Variants in NFATC1 observed in about 807,000 individuals in gnomAD.
NFATC1 encodes nuclear factor of activated T cells 1.
A neutral mutation model predicts 76.0 loss-of-function variants in NFATC1; 22 were observed. The ratio of observed to expected loss-of-function variants is 0.29; its 90% confidence interval spans 0.21 to 0.41. The LOEUF is 0.41. Ranked by LOEUF, NFATC1 falls within the 10% of genes least tolerant of loss-of-function variation. The probability of loss-of-function intolerance (pLI) is 1.00; values close to 1 mark genes in which losing one functional copy is unlikely to be tolerated. For synonymous variants in NFATC1, 704 were observed against 613.1 expected (o/e 1.15, Z -2.19); for missense variants, 1,357 against 1,337.7 (o/e 1.01, Z -0.23).
intron 7 of NFATC1, among the ~76,000 whole-genome samples, chr18:79,461,694 C>T (rs1042444581): frequency 3.3e-5 from 5 of 152,182 alleles, no homozygotes; most frequent in South Asian, 2.1e-4. Context: ...CGGACCCTCC[C>T]GCCCTTTGCT....
intron 9 of NFATC1, among the ~76,000 whole-genome samples, chr18:79,514,434 G>A (rs899288711): frequency 6.6e-6 from 1 of 151,554 alleles, no homozygotes; most frequent in African/African-American, 2.4e-5. Context: ...AATTAGCCAG[G>A]TGTGTTGGCG....
rs1444702572 is a variant in NFATC1, at chr18:79,465,936, C to T, written c.1960-1514C>T. ...CCCCTCCGGCGGCAGCTTCAGCTCC[C>T]CTGGGGCAGCTCTGATGCGGGGCAA... is the stretch of plus-strand genomic sequence containing the variant. On this transcript the variant is annotated intron_variant, in intron 7 of 9. Coordinates refer to ENST00000427363, the MANE Select transcript of NFATC1 (RefSeq NM_001278669.2). The surrounding 1 kb of genome is among the most constrained non-coding windows in gnomAD (Gnocchi z 4.2). 6.6e-6 allele frequency among the ~76,000 whole-genome samples: 1 copy of T among 152,254 alleles called. No homozygotes were observed. Among genetic ancestry groups the T allele is most frequent in the East Asian group, 1.9e-4 (1 of 5,190 alleles).
intron 3 of NFATC1, among the ~76,000 whole-genome samples, chr18:79,442,632 C>T (rs569215416): frequency 9.2e-5 from 14 of 152,350 alleles, no homozygotes; most frequent in Admixed American, 2.6e-4. Context: ...GGTTCACAGA[C>T]GTGCGGTGGC....
At chr18:79,484,108 T>C (rs1216817797) in intron 8 of NFATC1, among the ~76,000 whole-genome samples, 1 of 149,028 alleles carries the variant, frequency 6.7e-6, no homozygotes, top group Non-Finnish European at 1.5e-5. Flanking sequence ...CAGGGTGGGG[T>C]GGCTGACGAG....
intron 8 of NFATC1, chr18:79,468,689 T>C (rs1350347289): frequency 6.6e-6 from 1 of 152,254 alleles, no homozygotes; most frequent in East Asian, 1.9e-4. Context: ...CACCAAACTG[T>C]TGGGACTCCT....
intron 6 of NFATC1, among the ~76,000 whole-genome samples, chr18:79,457,185 G>C (rs1266860547): frequency 1.3e-5 from 2 of 152,122 alleles, no homozygotes; most frequent in Non-Finnish European, 2.9e-5. Context: ...GAACCCCCAG[G>C]CTTCTCTGTT....
chr18:79,451,866 G>A, intron 6 of NFATC1, 50 bp downstream of exon 6: 1 of 1,563,538 alleles, frequency 6.4e-7, no homozygotes, highest in Non-Finnish European at 8.7e-7. Context: ...GGCGCTGGTG[G>A]GAACCGGTTC....
chr18:79,400,372 C>T (rs369818512), intron 1 of NFATC1: 3 of 1,441,438 alleles, frequency 2.1e-6, no homozygotes, highest in Admixed American at 2.6e-5. Context: ...GCTCCCGCCC[C>T]GGCCCCGGCC....
intron 1 of NFATC1, among the ~76,000 whole-genome samples, chr18:79,404,994 A>G (rs1342428228): frequency 6.6e-6 from 1 of 152,202 alleles, no homozygotes; most frequent in East Asian, 1.9e-4. Flanking sequence ...TATTTCTCAG[A>G]GTGAGAGAGA....
intron 8 of NFATC1, among the ~76,000 whole-genome samples, chr18:79,482,347 G>A (rs1313835469): frequency 9.4e-6 from 1 of 106,100 alleles, no homozygotes; most frequent in Non-Finnish European, 1.9e-5. Context: ...GCGTGACCTG[G>A]TCCTGGGGTG....
At chr18:79,442,588 C>T (rs1190952367) in intron 3 of NFATC1, among the ~76,000 whole-genome samples, 1 of 152,252 alleles carries the variant, frequency 6.6e-6, no homozygotes, top group African/African-American at 2.4e-5. Flanking sequence ...CCTGGCAGCT[C>T]AGCGCTGCTT....
intron 9 of NFATC1, among the ~76,000 whole-genome samples, chr18:79,493,129 A>T (rs2089738561): frequency 6.6e-6 from 1 of 152,194 alleles, no homozygotes; most frequent in African/African-American, 2.4e-5. Context: ...TTAAATGTAG[A>T]TTTGAAAAAA....
At chr18:79,516,497 C>T (rs1248613517) in intron 9 of NFATC1, among the ~76,000 whole-genome samples, 1 of 152,168 alleles carries the variant, frequency 6.6e-6, no homozygotes, top group Non-Finnish European at 1.5e-5. Flanking sequence ...GGTGGCTCCT[C>T]GACTGTGGAG....
intron 9 of NFATC1, among the ~76,000 whole-genome samples, chr18:79,503,991 CAG>C (rs1219453314): frequency 1.3e-5 from 2 of 152,188 alleles, no homozygotes; most frequent in African/African-American, 4.8e-5. Context: ...CTTCGTAGGA[CAG>C]AGAGAGCGAG....
chr18:79,494,869 G>A (rs1226392414), intron 9 of NFATC1, among the ~76,000 whole-genome samples: 2 of 140,198 alleles, frequency 1.4e-5, no homozygotes, highest in Non-Finnish European at 3.1e-5. Context: ...GGGGGAAGGC[G>A]AGAGCGGGCA....
Position 79,486,786 on chromosome 18 carries a change from C to T in NFATC1, c.2631C>T (p.His877=), listed in dbSNP as rs2145064737. 1.2e-6 allele frequency: 2 copies of T among 1,609,502 alleles called. No homozygotes were observed. The highest frequency in any genetic ancestry group is 1.1e-5 in the South Asian group (1 of 90,950). Residue 877 remains histidine, a synonymous_variant, in exon 9 of 10, where the codon CAC becomes CAT. Coordinates refer to ENST00000427363, the MANE Select transcript of NFATC1 (RefSeq NM_001278669.2). ...CGCCCGCCACGGGCCGCCCGCAGCA[C>T]CTGCCGTCCACGGTCCGCAGGGACG... The part of the protein sequence containing the change: ...ACPPATGRPQ[H]LPSTVRRDES...
intron 8 of NFATC1, among the ~76,000 whole-genome samples, chr18:79,482,802 C>A (rs1276209753): frequency 1.8e-5 from 2 of 108,846 alleles, no homozygotes; most frequent in Admixed American, 1.1e-4. Context: ...CCTGGGGTGT[C>A]ACTTCAGCGT....
chr18:79,487,007 G>A, intron 9 of NFATC1, 70 bp downstream of exon 9: 1 of 1,485,836 alleles, frequency 6.7e-7, no homozygotes, highest in South Asian at 1.3e-5. Context: ...GAGGGGCCGT[G>A]TGCGTGCTGC....
At chr18:79,520,537 G>A (rs538423178) in intron 9 of NFATC1, among the ~76,000 whole-genome samples, 3 of 142,926 alleles carry the variant, frequency 2.1e-5, no homozygotes, top group African/African-American at 7.6e-5. Flanking sequence ...TGTGTGGGGG[G>A]GGGAGGGTGC....
Sources: gnomAD v4.1 joint callset for allele counts (sites outside exome capture counted in the v4.1 genomes callset) on GRCh38, gnomAD v4.1.1 for gene constraint, Gnocchi (gnomAD v3.1) non-coding constraint, MANE v1.5 for transcripts, NCBI Gene and HGNC (gene_info 2026-07-23, HGNC 2026-07-21) for gene names.